UMPS: variants seen among roughly 807,000 people sequenced by gnomAD.
UMPS encodes uridine monophosphate synthetase.
In UMPS, 21 loss-of-function variants were observed where a neutral mutation model predicts 38.9. The observed-to-expected ratio is 0.54, with a 90% confidence interval of 0.38 to 0.78. The LOEUF is 0.78. Ranked by LOEUF, UMPS falls within the 30% of genes least tolerant of loss-of-function variation. The pLI, the probability that UMPS is intolerant of heterozygous loss-of-function variation, is 0.00. For synonymous variants in UMPS, 208 were observed against 219.3 expected, an observed-to-expected ratio of 0.95 and a Z score of 0.45; for missense variants, 533 against 591.6, an observed-to-expected ratio of 0.90 and a Z score of 1.03.
Position 124,744,015 on chromosome 3 carries a change from T to C in UMPS, c.1374T>C (p.Asp458=), listed in dbSNP as rs200608473. 1.3e-4 allele frequency: 210 copies of C among 1,614,240 alleles called. No individual in the cohort carries two copies. The East Asian group carries it at 4.5e-3, about 35-fold the overall frequency. ...GTCGTGGCATAATCTCAGCAGCTGA[T>C]CGTCTGGAAGCAGCAGAGATGTACA... ...IVGRGIISAA[D]RLEAAEMYRK... Residue 458 remains aspartate, a synonymous_variant, in exon 6 of 6, where the codon GAT becomes GAC. Transcript: ENST00000232607.
chr3:124,737,072 C>T (rs1240260151), intron 2 of UMPS: 1 of 155,710 alleles, frequency 6.4e-6, no homozygotes, highest in East Asian at 1.9e-4. Flanking sequence ...TATTCTGTTT[C>T]ATAACTTTCC....
Position 124,740,192 on chromosome 3 carries a change from G to C in UMPS, c.1151G>C (p.Arg384Thr), listed in dbSNP as rs770655493. ...TCCCTGGCCACTGGGGACTACACTA[G>C]AGCAGCGGTAAGTGGTGGGGGGACT... The part of the protein sequence containing the change: ...TGSLATGDYT[R>T]AAVRMAEEHS... Residue 384 changes from arginine (R) to threonine (T), a missense_variant, in exon 4 of 6, where the codon AGA (arginine) becomes ACA (threonine). Coordinates refer to ENST00000232607, the MANE Select transcript of UMPS (RefSeq NM_000373.4). The C allele has an allele frequency of 6.2e-7, 1 of 1,611,306 alleles. No individual in the cohort carries two copies. The highest frequency in any genetic ancestry group is 1.7e-5 in the Admixed American group (1 of 59,948).
intron 4 of UMPS, among the ~76,000 whole-genome samples, chr3:124,741,614 G>A (rs17843841): frequency 0.034 from 5,109 of 152,234 alleles, 126 homozygotes; most frequent in Non-Finnish European, 0.052. Context: ...CCTTGAATGT[G>A]GTTTCATACC....
intron 1 of UMPS, among the ~76,000 whole-genome samples, chr3:124,733,198 T>G (rs1411804277): frequency 6.6e-6 from 1 of 152,226 alleles, no homozygotes; most frequent in Non-Finnish European, 1.5e-5. Flanking sequence ...TTAGTGTACA[T>G]AAAGTAATTG....
rs762182203 is a variant in UMPS, at chr3:124,737,944, A to G, written c.687A>G (p.Ala229=). The G allele has an allele frequency of 1.2e-6, 2 of 1,614,248 alleles. No homozygotes were observed. Among genetic ancestry groups the G allele is most frequent in the Non-Finnish European group, 1.7e-6 (2 of 1,180,042 alleles). ...KEAPKELSFG[A]RAELPRIHPV... ...CACCCAAAGAACTCAGCTTCGGTGC[A>G]CGTGCAGAGCTGCCCAGGATCCACC... The change falls in exon 3 of 6, where the codon GCA becomes GCG. Residue 229 remains alanine (A), a synonymous_variant. Coordinates refer to ENST00000232607, the MANE Select transcript of UMPS (RefSeq NM_000373.4).
Position 124,744,199 on chromosome 3 carries a change from C to A in UMPS, c.*115C>A. The A allele has an allele frequency of 1.5e-6, 2 of 1,297,578 alleles. No individual in the cohort carries two copies. Among genetic ancestry groups the A allele is most frequent in the Non-Finnish European group, 2.2e-6 (2 of 918,268 alleles). 80.4% of individuals were successfully genotyped at this position (1,297,578 alleles called of 1,614,324 possible). A position where few individuals can be genotyped will look rare whatever the true frequency, so the allele number is the denominator to read the frequency against. On this transcript the variant is annotated 3_prime_UTR_variant, in exon 6 of 6. Transcript: ENST00000232607. ...TTCCTGCTTGGATTCTTCCACAGGG[C>A]CTGTGTAAGAATGGGTTCTGGAGTT...
At chr3:124,741,037 A>T (rs1446834538) in intron 4 of UMPS, among the ~76,000 whole-genome samples, 1 of 152,206 alleles carries the variant, frequency 6.6e-6, no homozygotes, top group African/African-American at 2.4e-5. Flanking sequence ...AGATTCTAGA[A>T]GTAAAGGATT....
chr3:124,743,863 G>C lies in UMPS; in HGVS notation c.1274-52G>C, dbSNP rs3772807. ...ACTTTTTCAGAGAAGTCATGTGACAGGTTTTCTGATTTTTGTATTATGTGA... is the reference window on the plus strand; with the variant it reads ...ACTTTTTCAGAGAAGTCATGTGACACGTTTTCTGATTTTTGTATTATGTGA... On this transcript the variant is annotated intron_variant, in intron 5 of 5. Coordinates refer to ENST00000232607, the MANE Select transcript of UMPS (RefSeq NM_000373.4). 0.26 allele frequency: 423,264 copies of C among 1,607,056 alleles called. 57,279 individuals are homozygous for C. Among genetic ancestry groups the C allele is most frequent in the Middle Eastern group, 0.33 (2,009 of 6,038 alleles).
At chr3:124,732,819 T>C (rs926881893) in intron 1 of UMPS, among the ~76,000 whole-genome samples, 3 of 152,230 alleles carry the variant, frequency 2.0e-5, no homozygotes, top group African/African-American at 7.2e-5. Flanking sequence ...TGCGGTACTT[T>C]GGACCATTAA....
chr3:124,741,992 G>T (rs955509659), intron 4 of UMPS, among the ~76,000 whole-genome samples, 160 bp from the exon 5 acceptor site: 1 of 151,446 alleles, frequency 6.6e-6, no homozygotes, highest in African/African-American at 2.4e-5. Flanking sequence ...AAGGTAGGAG[G>T]ATCCCTTGAG....
rs1173387231 is a variant in UMPS, at chr3:124,735,193, G to C, written c.257G>C (p.Cys86Ser). Residue 86 changes from cysteine to serine, a missense_variant, in exon 2 of 6, where the codon TGT (cysteine) becomes TCT (serine). By Grantham distance (112) the Cys-to-Ser change is moderately radical. Coordinates refer to ENST00000232607, the MANE Select transcript of UMPS (RefSeq NM_000373.4). ...GCTTTGCCATTGGCTACAGTTATCTGTTCAACCAATCAAATTCCAATGCTT... is the reference window on the plus strand; with the variant it reads ...GCTTTGCCATTGGCTACAGTTATCTCTTCAACCAATCAAATTCCAATGCTT... ...YTALPLATVICSTNQIPMLIR... is the reference protein window; with the variant it reads ...YTALPLATVISSTNQIPMLIR... 2 of 1,613,846 alleles carry C rather than the reference G, an allele frequency of 1.2e-6. No homozygotes were observed. The highest frequency in any genetic ancestry group is 1.7e-5 in the Admixed American group (1 of 59,996).
intron 4 of UMPS, among the ~76,000 whole-genome samples, chr3:124,740,865 G>A (rs2063551750): frequency 6.6e-6 from 1 of 151,978 alleles, no homozygotes; most frequent in African/African-American, 2.4e-5. Context: ...TGGGAGGATC[G>A]CTTGAGCTTG....
rs762227416 is a variant in UMPS, at chr3:124,748,533, C to G, written c.*4449C>G. The G allele has an allele frequency of 6.6e-6, 3 of 454,060 alleles. No homozygotes were observed. In the East Asian group the frequency reaches 2.1e-4, roughly 32 times the overall value. The allele number at this position is 454,060 out of a possible 1,614,324, so 28.1% of individuals were successfully genotyped here. ...ATTTGCCTAGCCCTTTCCTTCCCAC[C>G]AAGGGGGAAAGTCTTCCTCTAGACA... On this transcript the variant is annotated 3_prime_UTR_variant, in exon 6 of 6. Coordinates refer to ENST00000232607, the MANE Select transcript of UMPS (RefSeq NM_000373.4).
chr3:124,740,939 C>T (rs940120717), intron 4 of UMPS, among the ~76,000 whole-genome samples: 13 of 151,954 alleles, frequency 8.6e-5, no homozygotes, highest in Admixed American at 4.6e-4. Context: ...AGAGTAAGAG[C>T]CTGTCAAAAA....
At chr3:124,736,860 A>C (rs1165744281) in intron 2 of UMPS, among the ~76,000 whole-genome samples, 1 of 152,202 alleles carries the variant, frequency 6.6e-6, no homozygotes, top group African/African-American at 2.4e-5. Flanking sequence ...AAAATAGTCT[A>C]GTGGGATTTG....
chr3:124,737,556 TTTC>T lies in UMPS; in HGVS notation c.311-9_311-7del. 6.2e-7 allele frequency: 1 copy of T among 1,614,082 alleles called. No homozygotes were observed. Among genetic ancestry groups the T allele is most frequent in the Non-Finnish European group, 8.5e-7 (1 of 1,179,994 alleles). On this transcript the variant is annotated splice_polypyrimidine_tract_variant and intron_variant, in intron 2 of 5. Coordinates refer to ENST00000232607, the MANE Select transcript of UMPS (RefSeq NM_000373.4). ...TTTAAATTTGGAATCAGCAAAATTTTTTCTTTTCTAGGAACTAAGCGTCTTGTA... is the reference window on the plus strand; with the variant it reads ...TTTAAATTTGGAATCAGCAAAATTTTTTTTCTAGGAACTAAGCGTCTTGTA...
At chr3:124,738,376 A>C in intron 3 of UMPS, 137 bp downstream of exon 3, 1 of 851,136 alleles carries the variant, frequency 1.2e-6, no homozygotes, top group East Asian at 2.7e-5. Flanking sequence ...AGCTCAAGTG[A>C]TATCTTCATG....
chr3:124,748,652 C>G lies in UMPS; in HGVS notation c.*4568C>G. On this transcript the variant is annotated 3_prime_UTR_variant, in exon 6 of 6. Transcript: ENST00000232607. ...AAGGAGGGAGGAAGGGCAGTTGACACCCAAAATAAGGGTGGGGAACTGTCA... is the reference window on the plus strand; with the variant it reads ...AAGGAGGGAGGAAGGGCAGTTGACAGCCAAAATAAGGGTGGGGAACTGTCA... 2.2e-6 allele frequency: 1 copy of G among 453,962 alleles called. No homozygotes were observed. The highest frequency in any genetic ancestry group is 4.4e-6 in the Non-Finnish European group (1 of 226,758). 28.1% of individuals were successfully genotyped at this position (453,962 alleles called of 1,614,324 possible). A position where few individuals can be genotyped will look rare whatever the true frequency, so the allele number is the denominator to read the frequency against.
chr3:124,743,525 C>T (rs1230184508), intron 5 of UMPS, among the ~76,000 whole-genome samples: 1 of 151,690 alleles, frequency 6.6e-6, no homozygotes, highest in Non-Finnish European at 1.5e-5. Context: ...GTAGTCCCAG[C>T]TACTCGGGAG....
Sources: allele counts gnomAD v4.1 joint callset (sites outside exome capture counted in the v4.1 genomes callset), GRCh38; gene constraint gnomAD v4.1.1; transcripts MANE v1.5; gene names NCBI Gene and HGNC (gene_info 2026-07-23, HGNC 2026-07-21).